Variants in COL5A2 observed in about 807,000 individuals in gnomAD.
The protein encoded by COL5A2 is collagen type V alpha 2 chain, also known as collagen alpha-2(V) chain.
Under a neutral mutation model 208.2 loss-of-function variants are expected in COL5A2, and 23 were observed. That is an observed-to-expected ratio of 0.11 (90% CI 0.08 to 0.16). COL5A2 has a LOEUF of 0.16. Ranked by LOEUF, COL5A2 falls within the 10% of genes least tolerant of loss-of-function variation. The pLI, the probability that COL5A2 is intolerant of heterozygous loss-of-function variation, is 1.00. For synonymous variants in COL5A2, 625 were observed against 628.5 expected (o/e 0.99, Z 0.08); for missense variants, 1,590 against 1,956.4 (o/e 0.81, Z 3.53).
At chr2:189,361,591 T>G in the COL5A2 span, among the ~76,000 whole-genome samples, 1 of 152,002 alleles carries the variant, frequency 6.6e-6, no homozygotes, top group Admixed American at 6.6e-5. Flanking sequence ...AATTAGAGAA[T>G]TTAATCAATT....
chr2:189,120,233 T>A (rs1382070385), intron 1 of COL5A2, among the ~76,000 whole-genome samples: 1 of 152,054 alleles, frequency 6.6e-6, no homozygotes, highest in Admixed American at 6.6e-5. Context: ...GATAATGAAT[T>A]TTTTGTAGAA....
upstream of COL5A2, among the ~76,000 whole-genome samples, chr2:189,228,496 GA>G (rs1414860043): frequency 6.6e-6 from 1 of 151,730 alleles, no homozygotes; most frequent in Non-Finnish European, 1.5e-5. Context: ...CAGACAAAAA[GA>G]ATTATGAGAG....
the COL5A2 span, among the ~76,000 whole-genome samples, chr2:189,272,619 C>T: frequency 6.6e-6 from 1 of 152,070 alleles, no homozygotes; most frequent in Admixed American, 6.6e-5. Flanking sequence ...ATGTAACAAA[C>T]CTGCATGTTC....
intron 1 of COL5A2, among the ~76,000 whole-genome samples, chr2:189,135,694 A>T (rs1687815108): frequency 6.6e-6 from 1 of 152,238 alleles, no homozygotes; most frequent in Admixed American, 6.5e-5. Flanking sequence ...AGATATTAAA[A>T]GATCATTCAG....
the COL5A2 span, among the ~76,000 whole-genome samples, chr2:189,386,853 G>A: frequency 2.0e-5 from 3 of 152,196 alleles, no homozygotes; most frequent in African/African-American, 7.2e-5. Context: ...GTGGAGAAAA[G>A]GGGATATTAA....
intron 1 of COL5A2, among the ~76,000 whole-genome samples, chr2:189,221,992 C>A (rs764081110): frequency 5.9e-5 from 9 of 151,976 alleles, no homozygotes; most frequent in Non-Finnish European, 1.3e-4. Flanking sequence ...GTACCACACC[C>A]TGAGTCCATT....
At position 189,037,299 on chromosome 2, in the gene COL5A2, TAA is replaced by T. The variant is rs1685463903; in HGVS notation, c.3926-498_3926-497del. ...TTTTTAAAATTACTCTTCTCATATATAAGAGACTCTTAAAATAGGAAATACCA... is the reference window on the plus strand; with the variant it reads ...TTTTTAAAATTACTCTTCTCATATATGAGACTCTTAAAATAGGAAATACCA... On this transcript the variant is annotated intron_variant, in intron 51 of 53. Transcript: ENST00000374866. Among the ~76,000 whole-genome samples, 6 of 152,316 alleles carry T rather than the reference TAA, an allele frequency of 3.9e-5. 1 individual carries two copies. Among genetic ancestry groups the T allele is most frequent in the East Asian group, 1.9e-4 (1 of 5,188 alleles).
At chr2:189,295,286 G>T in the COL5A2 span, among the ~76,000 whole-genome samples, 3 of 152,158 alleles carry the variant, frequency 2.0e-5, no homozygotes, top group Admixed American at 2.0e-4. Flanking sequence ...TCCTTTTAAA[G>T]ATTCTGAGTC....
intron 1 of COL5A2, among the ~76,000 whole-genome samples, chr2:189,172,992 A>G (rs921897807): frequency 2.6e-5 from 3 of 113,676 alleles, no homozygotes; most frequent in African/African-American, 3.7e-5. Context: ...TTTTTTTGAG[A>G]CGGAGTCTCG....
At chr2:189,441,063 G>A in the COL5A2 span, among the ~76,000 whole-genome samples, 2 of 152,132 alleles carry the variant, frequency 1.3e-5, no homozygotes, top group Non-Finnish European at 2.9e-5. Context: ...GAGAAAACCA[G>A]GGACGCGAGA....
At chr2:189,140,380 C>T (rs1312660790) in intron 1 of COL5A2, among the ~76,000 whole-genome samples, 1 of 152,108 alleles carries the variant, frequency 6.6e-6, no homozygotes, top group East Asian at 1.9e-4. Flanking sequence ...TTGTCTTAAG[C>T]AGATTAGAGG....
the COL5A2 span, among the ~76,000 whole-genome samples, chr2:189,337,176 T>A: frequency 1.3e-5 from 1 of 77,834 alleles, no homozygotes; most frequent in Non-Finnish European, 2.8e-5. Flanking sequence ...TTTGACATCA[T>A]TTTTTTTTTT....
chr2:189,100,022 T>C (rs770593206), intron 4 of COL5A2, 85 bp downstream of exon 4: 5 of 1,150,112 alleles, frequency 4.3e-6, no homozygotes, highest in Non-Finnish European at 5.1e-6. Context: ...TTTTTGAAAG[T>C]ATGTACATAA....
At chr2:189,265,877 T>C in the COL5A2 span, among the ~76,000 whole-genome samples, 3 of 152,260 alleles carry the variant, frequency 2.0e-5, no homozygotes, top group Admixed American at 6.5e-5. Context: ...AGAAGGAATG[T>C]AAAATGTTGT....
the COL5A2 span, among the ~76,000 whole-genome samples, chr2:189,434,138 G>T: frequency 6.6e-6 from 1 of 152,110 alleles, no homozygotes; most frequent in Non-Finnish European, 1.5e-5. Context: ...AGCCCTTCAT[G>T]CTAAAAACTC....
chr2:189,232,116 A>G, the COL5A2 span, among the ~76,000 whole-genome samples: 2 of 151,714 alleles, frequency 1.3e-5, no homozygotes, highest in Non-Finnish European at 2.9e-5. Context: ...AGTAACTCCA[A>G]GGGTTTGAAT....
the COL5A2 span, among the ~76,000 whole-genome samples, chr2:189,400,314 A>T: frequency 6.6e-6 from 1 of 152,168 alleles, no homozygotes; most frequent in African/African-American, 2.4e-5. Context: ...AACTACACAT[A>T]TGTCAGACCT....
At chr2:189,235,422 G>A in the COL5A2 span, among the ~76,000 whole-genome samples, 1 of 151,540 alleles carries the variant, frequency 6.6e-6, no homozygotes, top group Admixed American at 6.6e-5. Context: ...ATTGAAGAGA[G>A]CAAAAATCAT....
chr2:189,250,471 A>T, the COL5A2 span, among the ~76,000 whole-genome samples: 44 of 152,308 alleles, frequency 2.9e-4, no homozygotes, highest in East Asian at 7.7e-3. Context: ...CAAATATCTG[A>T]GACCAAACAA....
Sources: allele counts gnomAD v4.1 joint callset (sites outside exome capture counted in the v4.1 genomes callset), GRCh38; gene constraint gnomAD v4.1.1; transcripts MANE v1.5; gene names NCBI Gene and HGNC (gene_info 2026-07-23, HGNC 2026-07-21).